Variants in LEKR1 observed in about 807,000 individuals in gnomAD.
LEKR1 encodes leucine, glutamate and lysine rich 1, also known as protein LEKR1.
A neutral mutation model predicts 72.4 loss-of-function variants in LEKR1; 59 were observed. The observed-to-expected ratio is 0.82, with a 90% CI of 0.66 to 1.01. The LOEUF (loss-of-function observed/expected upper bound fraction) is 1.01, where lower values mean the gene tolerates loss of function less well. LEKR1 is among the 50% of genes least tolerant of loss of function. LEKR1 has a pLI of 0.00. For missense variants in LEKR1, 728 were observed against 759.2 expected (o/e 0.96, Z 0.48); for synonymous variants, 257 against 263.2 (o/e 0.98, Z 0.23).
At chr3:156,971,990 G>A (rs1156951218) in intron 6 of LEKR1, among the ~76,000 whole-genome samples, 5 of 152,046 alleles carry the variant, frequency 3.3e-5, no homozygotes, top group Admixed American at 1.3e-4. Context: ...GCCATTACTG[G>A]GTACATACTG....
intron 12 of LEKR1, among the ~76,000 whole-genome samples, chr3:157,044,909 T>C (rs901185625): frequency 6.6e-6 from 1 of 152,202 alleles, no homozygotes; most frequent in Non-Finnish European, 1.5e-5. Context: ...ATACCTTCAC[T>C]ACAAAAGAAT....
chr3:156,910,523 C>T (rs4680314), intron 3 of LEKR1, among the ~76,000 whole-genome samples: 128,355 of 152,144 alleles, frequency 0.84, 54,307 homozygotes, highest in African/African-American at 0.91. Context: ...ACCTGAGTAA[C>T]GGGATCATTT....
chr3:156,880,199 C>A (rs1206459292), intron 3 of LEKR1, among the ~76,000 whole-genome samples: 1 of 152,214 alleles, frequency 6.6e-6, no homozygotes, highest in African/African-American at 2.4e-5. Context: ...CCCTGCAAAG[C>A]CACAGGGGCG....
intron 7 of LEKR1, among the ~76,000 whole-genome samples, chr3:156,989,788 C>T (rs10936045): frequency 0.14 from 20,713 of 151,366 alleles, 1,753 homozygotes; most frequent in East Asian, 0.26. Flanking sequence ...CCCTCTTTAC[C>T]CTCCTTCTCT....
intron 9 of LEKR1, among the ~76,000 whole-genome samples, chr3:156,997,938 A>G (rs950719204): frequency 2.6e-5 from 4 of 152,220 alleles, no homozygotes; most frequent in Admixed American, 6.5e-5. Flanking sequence ...AGTGAAAGGA[A>G]AAGAAGTAGG....
chr3:156,912,602 C>T (rs751982123), intron 3 of LEKR1, among the ~76,000 whole-genome samples: 10 of 152,222 alleles, frequency 6.6e-5, no homozygotes, highest in African/African-American at 1.2e-4. Flanking sequence ...ACTTCCCACT[C>T]ACGCCTGGGT....
At chr3:156,873,732 C>G (rs1420310741) in intron 3 of LEKR1, among the ~76,000 whole-genome samples, 5 of 151,918 alleles carry the variant, frequency 3.3e-5, no homozygotes, top group African/African-American at 4.8e-5. Context: ...GACTTTATTT[C>G]TCCTACATTT....
At chr3:156,995,548 A>C (rs1240551243) in intron 9 of LEKR1, among the ~76,000 whole-genome samples, 1 of 152,214 alleles carries the variant, frequency 6.6e-6, no homozygotes, top group Non-Finnish European at 1.5e-5. Flanking sequence ...TAAAAATAAA[A>C]ATGACAGACA....
intron 12 of LEKR1, among the ~76,000 whole-genome samples, chr3:157,044,428 T>C (rs1217703068): frequency 6.6e-6 from 1 of 152,264 alleles, no homozygotes; most frequent in Non-Finnish European, 1.5e-5. Context: ...TTTCAGAATT[T>C]CGAAGAGACT....
In LEKR1 at chr3:157,046,014, A is replaced by G. The variant is rs999494423; in HGVS notation, c.*264A>G. 7.5e-6 allele frequency: 3 copies of G among 398,894 alleles called. No individual in the cohort carries two copies. Among genetic ancestry groups the G allele is most frequent in the Admixed American group, 4.0e-5 (1 of 25,026 alleles). The allele number at this position is 398,894 out of a possible 1,614,324, so 24.7% of individuals were successfully genotyped here. A position where few individuals can be genotyped will look rare whatever the true frequency, so the allele number is the denominator to read the frequency against. On this transcript the variant is annotated 3_prime_UTR_variant, in exon 13 of 13. Coordinates refer to ENST00000356539, the MANE Select transcript of LEKR1 (RefSeq NM_001004316.3). The stretch of plus-strand genomic sequence containing the variant: ...CTATGTTTATGTTGGAATGTGCTCT[A>G]TGAATATAGCCTTTTAGAGATCACA...
chr3:156,999,398 C>G (rs982429522), intron 9 of LEKR1, among the ~76,000 whole-genome samples: 1 of 152,120 alleles, frequency 6.6e-6, no homozygotes, highest in East Asian at 1.9e-4. Flanking sequence ...TCTCCTCTCT[C>G]CTCCCCTCCC....
intron 7 of LEKR1, among the ~76,000 whole-genome samples, chr3:156,982,536 C>G (rs889334452): frequency 6.6e-6 from 1 of 152,130 alleles, no homozygotes; most frequent in Non-Finnish European, 1.5e-5. Flanking sequence ...TTACCTTAGA[C>G]CAAGCAAGAT....
At chr3:156,933,730 T>C (rs1434439532) in intron 5 of LEKR1, among the ~76,000 whole-genome samples, 1 of 152,242 alleles carries the variant, frequency 6.6e-6, no homozygotes. Flanking sequence ...CAGGAAACTT[T>C]TAAGCCAACT....
intron 6 of LEKR1, among the ~76,000 whole-genome samples, chr3:156,968,207 A>T (rs1424194401): frequency 2.0e-5 from 3 of 152,226 alleles, no homozygotes; most frequent in Non-Finnish European, 4.4e-5. Context: ...CTAGGAAGAA[A>T]CTGCATCAAC....
intron 9 of LEKR1, among the ~76,000 whole-genome samples, chr3:157,002,682 C>G (rs1212474785): frequency 6.6e-6 from 1 of 152,118 alleles, no homozygotes; most frequent in Non-Finnish European, 1.5e-5. Flanking sequence ...ACCATAATAT[C>G]AAGCAAAATT....
At chr3:156,834,096 G>A (rs1250702841) in intron 2 of LEKR1, among the ~76,000 whole-genome samples, 2 of 151,796 alleles carry the variant, frequency 1.3e-5, no homozygotes, top group African/African-American at 4.8e-5. Flanking sequence ...TTGACCATAA[G>A]GTAAGATTTT....
At chr3:156,875,594 T>A (rs765977710) in intron 3 of LEKR1, among the ~76,000 whole-genome samples, 1 of 152,156 alleles carries the variant, frequency 6.6e-6, no homozygotes, top group African/African-American at 2.4e-5. Flanking sequence ...GTCATGAACT[T>A]AATGACTACA....
chr3:157,025,852 T>A (rs1734146085), intron 11 of LEKR1, among the ~76,000 whole-genome samples: 1 of 120,620 alleles, frequency 8.3e-6, no homozygotes, highest in Admixed American at 9.7e-5. Context: ...ATAGCAAGAC[T>A]GTCTCTATTA....
At chr3:156,978,006 C>T (rs1286659138) in intron 6 of LEKR1, among the ~76,000 whole-genome samples, 1 of 152,202 alleles carries the variant, frequency 6.6e-6, no homozygotes, top group Non-Finnish European at 1.5e-5. Flanking sequence ...CTAATCCTCC[C>T]TCTCCTTACC....
Sources: allele counts gnomAD v4.1 joint callset (sites outside exome capture counted in the v4.1 genomes callset), GRCh38; gene constraint gnomAD v4.1.1; transcripts MANE v1.5; gene names NCBI Gene and HGNC (gene_info 2026-07-23, HGNC 2026-07-21).